The following LHPP variants were observed in gnomAD, a reference collection of about 807,000 sequenced individuals.
The protein encoded by LHPP is hLHPP.
A neutral mutation model predicts 30.3 loss-of-function variants in LHPP; 24 were observed. The observed-to-expected ratio is 0.79, with a 90% confidence interval of 0.57 to 1.11. The LOEUF (loss-of-function observed/expected upper bound fraction) is 1.11, where lower values mean the gene tolerates loss of function less well. LHPP is among the 50% of genes most tolerant of loss of function. LHPP has a pLI of 0.00. For synonymous variants in LHPP, 150 were observed against 157.1 expected (o/e 0.95, Z 0.34); for missense variants, 356 against 367.2 (o/e 0.97, Z 0.25).
intron 6 of LHPP, among the ~76,000 whole-genome samples, chr10:124,540,978 A>G (rs895221486): frequency 2.0e-5 from 3 of 152,270 alleles, no homozygotes; most frequent in African/African-American, 7.2e-5. Flanking sequence ...TTAGGGCCAA[A>G]GAAAATGTTT....
At chr10:124,534,038 G>A (rs542239073) in intron 6 of LHPP, among the ~76,000 whole-genome samples, 6 of 152,246 alleles carry the variant, frequency 3.9e-5, no homozygotes, top group Middle Eastern at 3.4e-3. Flanking sequence ...GGATTGGGGC[G>A]GGGGATGCAG....
At chr10:124,476,588 T>A (rs1350454651) in intron 1 of LHPP, among the ~76,000 whole-genome samples, 1 of 152,170 alleles carries the variant, frequency 6.6e-6, no homozygotes, top group African/African-American at 2.4e-5. Flanking sequence ...CTGTTGCTGC[T>A]CCTACCTGCA....
chr10:124,496,924 T>C lies in LHPP; in HGVS notation c.468-37T>C, dbSNP rs1361271911. ...TTAGCATCCTGCGGTCAGCTCCCCGTGCTCAGCATCCCGTGCTCCGTTCTG... is the reference window on the plus strand; with the variant it reads ...TTAGCATCCTGCGGTCAGCTCCCCGCGCTCAGCATCCCGTGCTCCGTTCTG... On this transcript the variant is annotated intron_variant, in intron 3 of 6. Transcript: ENST00000368842. The surrounding 1 kb of genome is among the most constrained non-coding windows in gnomAD (Gnocchi z 4.3). 1.3e-6 allele frequency: 2 copies of C among 1,590,754 alleles called. No homozygotes were observed. Among genetic ancestry groups the C allele is most frequent in the Non-Finnish European group, 1.7e-6 (2 of 1,162,632 alleles).
At position 124,484,670 on chromosome 10, in the gene LHPP, C is replaced by CAGAGAGAGAG. The variant is rs5788664; in HGVS notation, c.313+362_313+371dup. Among the ~76,000 whole-genome samples the CAGAGAGAGAG allele has an allele frequency of 1.5e-3, 219 of 144,264 alleles. 2 individuals are homozygous for CAGAGAGAGAG. Among genetic ancestry groups the CAGAGAGAGAG allele is most frequent in the African/African-American group, 4.9e-3 (190 of 38,702 alleles). 94.6% of individuals were successfully genotyped at this position (144,264 alleles called of 152,430 possible). On this transcript the variant is annotated intron_variant, in intron 2 of 6. Coordinates refer to ENST00000368842, the MANE Select transcript of LHPP (RefSeq NM_022126.4). ...GTTCTAGCTCCTGTTGAGAAAGAGA[C>CAGAGAGAGAG]AGAGAGAGAGAGAGAGAGAGAGAGA...
At chr10:124,573,466 C>T (rs1306968117) in intron 6 of LHPP, among the ~76,000 whole-genome samples, 1 of 152,206 alleles carries the variant, frequency 6.6e-6, no homozygotes, top group Non-Finnish European at 1.5e-5. Context: ...TGCACGCCCC[C>T]ACACCCAGCT....
In LHPP at chr10:124,576,443, C is replaced by T. The variant is rs1402146890; in HGVS notation, c.717-36821C>T. ...CCTTTCCATGAGCTGCTCCCAGACCCCCTCATATCCATCCTGCCTCCAGAA... is the reference window on the plus strand; with the variant it reads ...CCTTTCCATGAGCTGCTCCCAGACCTCCTCATATCCATCCTGCCTCCAGAA... On this transcript the variant is annotated intron_variant, in intron 6 of 6. Transcript: ENST00000368842. The surrounding 1 kb of genome is among the most constrained non-coding windows in gnomAD (Gnocchi z 4.2). Among the ~76,000 whole-genome samples, 1 of 151,090 alleles carries T rather than the reference C, an allele frequency of 6.6e-6. No individual in the cohort carries two copies. The highest frequency in any genetic ancestry group is 1.5e-5 in the Non-Finnish European group (1 of 67,778).
chr10:124,559,598 G>C (rs1301496637), intron 6 of LHPP, among the ~76,000 whole-genome samples: 1 of 152,264 alleles, frequency 6.6e-6, no homozygotes, highest in Non-Finnish European at 1.5e-5. Flanking sequence ...GTACCTGTTG[G>C]GGATGCTGCA....
chr10:124,515,923 G>C (rs566984903), intron 5 of LHPP, among the ~76,000 whole-genome samples: 1 of 151,930 alleles, frequency 6.6e-6, no homozygotes, highest in South Asian at 2.1e-4. Context: ...GAGTACTTGA[G>C]GGGACCCTCC....
At chr10:124,588,586 T>A (rs186085971) in intron 6 of LHPP, among the ~76,000 whole-genome samples, 107 of 152,310 alleles carry the variant, frequency 7.0e-4, no homozygotes, top group African/African-American at 2.6e-3. Context: ...AGCTTTTTCA[T>A]TTTGAAATCA....
rs1589698314 is a variant in LHPP at position 124,589,022 on chromosome 10, G to C, written c.717-24242G>C. On this transcript the variant is annotated intron_variant, in intron 6 of 6. Transcript: ENST00000368842. Reference sequence around the variant, plus strand: ...AATCAAGGCTTTCCCCAGCAGCGCGGCTGTGAGGGCTCCGAGATGATCTCA... The same window carrying C: ...AATCAAGGCTTTCCCCAGCAGCGCGCCTGTGAGGGCTCCGAGATGATCTCA... Among the ~76,000 whole-genome samples the C allele has an allele frequency of 2.0e-5, 3 of 152,350 alleles. 1 individual carries two copies. The South Asian group carries it at 6.2e-4, about 32-fold the overall frequency.
chr10:124,572,596 A>G (rs942896879), intron 6 of LHPP, among the ~76,000 whole-genome samples: 3 of 150,904 alleles, frequency 2.0e-5, no homozygotes, highest in Non-Finnish European at 4.4e-5. Flanking sequence ...ACGCCATTGC[A>G]CTCCAGCCTG....
At chr10:124,482,503 A>G (rs577694670) in intron 1 of LHPP, among the ~76,000 whole-genome samples, 1 of 152,274 alleles carries the variant, frequency 6.6e-6, no homozygotes, top group East Asian at 1.9e-4. Flanking sequence ...CCACGAGTCC[A>G]CACTGCAGCT....
Position 124,466,908 on chromosome 10 carries a change from A to C in LHPP, c.125+4921A>C, listed in dbSNP as rs551280706. On this transcript the variant is annotated intron_variant, in intron 1 of 6. Transcript: ENST00000368842. Reference sequence around the variant, plus strand: ...TAATCCCAGCACTTTGGGAGGCTGGAGGTAGAAGGATTGAGACCAGCCTGG... The same window carrying C: ...TAATCCCAGCACTTTGGGAGGCTGGCGGTAGAAGGATTGAGACCAGCCTGG... Among the ~76,000 whole-genome samples the C allele has an allele frequency of 7.9e-5, 12 of 151,686 alleles. No homozygotes were observed. The South Asian group carries it at 2.5e-3, about 32-fold the overall frequency.
chr10:124,484,010 C>T (rs1953232120), intron 1 of LHPP, 129 bp from the exon 2 acceptor site: 1 of 797,296 alleles, frequency 1.3e-6, no homozygotes, highest in Non-Finnish European at 2.0e-6. Context: ...AGGACCCCCT[C>T]AGGGGCTCGC....
At chr10:124,571,283 G>A (rs75501954) in intron 6 of LHPP, among the ~76,000 whole-genome samples, 2,579 of 152,324 alleles carry the variant, frequency 0.017, 59 homozygotes, top group African/African-American at 0.057. Context: ...TAATGTATAG[G>A]TTTTTGTGTG....
At chr10:124,545,652 G>A (rs762229860) in intron 6 of LHPP, among the ~76,000 whole-genome samples, 12 of 151,990 alleles carry the variant, frequency 7.9e-5, no homozygotes, top group Non-Finnish European at 1.3e-4. Context: ...GTCAGGGGGC[G>A]GGGTGGGGTG....
At chr10:124,546,715 G>A (rs914733370) in intron 6 of LHPP, among the ~76,000 whole-genome samples, 1 of 152,142 alleles carries the variant, frequency 6.6e-6, no homozygotes, top group Non-Finnish European at 1.5e-5. Flanking sequence ...CGCCTCATGC[G>A]GTTGTATCTT....
chr10:124,488,400 C>G (rs1011009549), intron 2 of LHPP, 22 bp from the exon 3 acceptor site: 3 of 1,612,664 alleles, frequency 1.9e-6, no homozygotes, highest in Non-Finnish European at 2.5e-6. Context: ...CCGTGGCACT[C>G]TGTCTCTCTC....
At chr10:124,519,750 G>A (rs933859600) in intron 6 of LHPP, among the ~76,000 whole-genome samples, 1 of 152,154 alleles carries the variant, frequency 6.6e-6, no homozygotes, top group East Asian at 1.9e-4. Flanking sequence ...ATCTAGGTTT[G>A]CTGTTAATGC....
Sources: allele counts gnomAD v4.1 joint callset (sites outside exome capture counted in the v4.1 genomes callset), GRCh38; gene constraint gnomAD v4.1.1; non-coding constraint Gnocchi (gnomAD v3.1); transcripts MANE v1.5; gene names NCBI Gene and HGNC (gene_info 2026-07-23, HGNC 2026-07-21).